The following AKNA variants were observed in gnomAD, a reference collection of about 807,000 sequenced individuals.
AKNA encodes AT-hook transcription factor.
AKNA carries 67 observed loss-of-function variants against 138.8 expected under a neutral mutation model. That is an observed-to-expected ratio of 0.48 (90% CI 0.40 to 0.59). The LOEUF is 0.59. Among genes scored for constraint, AKNA ranks in the 20% least tolerant of loss-of-function variants. AKNA has a pLI of 0.00. For missense variants in AKNA, 1,813 were observed against 1,880.4 expected, an observed-to-expected ratio of 0.96 and a Z score of 0.66; for synonymous variants, 737 against 754.4, an observed-to-expected ratio of 0.98 and a Z score of 0.38.
rs765690813 is a variant in AKNA at position 114,356,945 on chromosome 9, T to C, written c.2764A>G (p.Thr922Ala). 1 of 1,582,184 alleles carries C rather than the reference T, an allele frequency of 6.3e-7. No homozygotes were observed. Among genetic ancestry groups the C allele is most frequent in the Non-Finnish European group, 8.6e-7 (1 of 1,167,098 alleles). The change falls in exon 13 of 22, where the codon ACA becomes GCA. Residue 922 changes from threonine (T) to alanine (A), a missense_variant. Thr to Ala is a moderately conservative substitution (Grantham distance 58). Coordinates refer to ENST00000374088, the MANE Select transcript of AKNA (RefSeq NM_001317950.2). ...LEETWMASPETDSGFVGSETS... is the reference protein window; with the variant it reads ...LEETWMASPEADSGFVGSETS... ...TCTGAGCCCACAAAGCCACTGTCTG[T>C]CTCTGGGGACGCCATCCAGGTCTCC...
intron 18 of AKNA, 174 bp from the exon 19 acceptor site, chr9:114,343,977 T>C: frequency 1.7e-6 from 1 of 602,290 alleles, no homozygotes; most frequent in East Asian, 2.9e-5. Context: ...AATATGTACA[T>C]ATTTAAGTAT....
Position 114,357,967 on chromosome 9 carries a change from C to T in AKNA, c.2693G>A (p.Arg898His), listed in dbSNP as rs368534976. ...TCGGTGCAAAGGCTTCTGTGGAAGG[C>T]GCTCAGAGATGCCGCTTCCCTCCAG... ...TSLEGSGISE[R>H]LPQKPLHRGG... The change falls in exon 12 of 22, where the codon CGC (arginine) becomes CAC (histidine). Residue 898 changes from arginine (R) to histidine (H), a missense_variant. Physicochemically the swap from Arg to His is conservative, Grantham distance 29 (BLOSUM62 0). Coordinates refer to ENST00000374088, the MANE Select transcript of AKNA (RefSeq NM_001317950.2). The T allele has an allele frequency of 8.5e-5, 137 of 1,602,588 alleles. No homozygotes were observed. Among genetic ancestry groups the T allele is most frequent in the Non-Finnish European group, 1.0e-4 (122 of 1,175,650 alleles).
chr9:114,354,819 T>C (rs553954498), intron 14 of AKNA, among the ~76,000 whole-genome samples: 128 of 151,738 alleles, frequency 8.4e-4, no homozygotes, highest in Non-Finnish European at 1.6e-3. Flanking sequence ...AACAGAGTCA[T>C]TAGTTATCAA....
chr9:114,345,548 C>T (rs974374787), intron 18 of AKNA: 14 of 255,818 alleles, frequency 5.5e-5, no homozygotes, highest in Non-Finnish European at 9.8e-5. Context: ...ACCCTGTATG[C>T]TCCGAGCCGG....
chr9:114,367,848 G>A (rs960156884), intron 5 of AKNA, 151 bp from the exon 6 acceptor site: 2 of 871,342 alleles, frequency 2.3e-6, no homozygotes, highest in African/African-American at 1.7e-5. Flanking sequence ...GAAGTGGGCT[G>A]GGTAGAACAT....
intron 6 of AKNA, among the ~76,000 whole-genome samples, chr9:114,366,145 G>A (rs1178486993): frequency 6.6e-6 from 1 of 152,038 alleles, no homozygotes; most frequent in Non-Finnish European, 1.5e-5. Flanking sequence ...CAGGCATGGT[G>A]GCGCGTGCCT....
chr9:114,341,746 C>T, intron 20 of AKNA, 21 bp from the exon 21 acceptor site: 2 of 1,539,718 alleles, frequency 1.3e-6, no homozygotes. Flanking sequence ...GGGAACAGCA[C>T]AGAGAGACAG....
In AKNA at chr9:114,337,273, T is replaced by C. The variant is rs756326547; in HGVS notation, c.4101A>G (p.Gln1367=). 2.6e-6 allele frequency: 4 copies of C among 1,542,760 alleles called. No individual in the cohort carries two copies. The African/African-American group carries it at 4.1e-5, about 16-fold the overall frequency. Residue 1367 remains glutamine, a synonymous_variant, in exon 22 of 22, where the codon CAA becomes CAG. Transcript: ENST00000374088. ...YYAPAGPTSA[Q]PAAKWPPTAS... ...CTGTGGGCGGCCACTTGGCAGCTGGTTGGGCTGAGGTAGGTCCTGCAGGCG... is the reference window on the plus strand; with the variant it reads ...CTGTGGGCGGCCACTTGGCAGCTGGCTGGGCTGAGGTAGGTCCTGCAGGCG...
chr9:114,375,897 G>A (rs1320091979), intron 3 of AKNA: 4 of 447,546 alleles, frequency 8.9e-6, no homozygotes, highest in African/African-American at 2.0e-5. Flanking sequence ...CAGGGCTCCA[G>A]GTACACCCTC....
chr9:114,377,424 G>A lies in AKNA; in HGVS notation c.383C>T (p.Thr128Ile). The A allele has an allele frequency of 1.2e-6, 2 of 1,613,694 alleles. No homozygotes were observed. The highest frequency in any genetic ancestry group is 1.7e-6 in the Non-Finnish European group (2 of 1,179,978). ...CTCCTCAACCTCCAGACTTCCGAGGGTCCCATCTGGCTCCTCTTCAGTCAT... is the reference window on the plus strand; with the variant it reads ...CTCCTCAACCTCCAGACTTCCGAGGATCCCATCTGGCTCCTCTTCAGTCAT... ...LDMTEEEPDGTLGSLEVEEAG... is the reference protein window; with the variant it reads ...LDMTEEEPDGILGSLEVEEAG... Residue 128 changes from threonine to isoleucine, a missense_variant, in exon 3 of 22, where the codon ACC (threonine) becomes ATC (isoleucine). Coordinates refer to ENST00000374088, the MANE Select transcript of AKNA (RefSeq NM_001317950.2).
At chr9:114,330,512 A>T, downstream of AKNA, 1 of 1,611,942 alleles carries the variant, frequency 6.2e-7, no homozygotes, top group Non-Finnish European at 8.5e-7. Flanking sequence ...GATCCAAGCA[A>T]CCTTCTTTTA....
At chr9:114,331,680 C>A (rs768014172), downstream of AKNA, 4 of 1,610,250 alleles carry the variant, frequency 2.5e-6, no homozygotes, top group African/African-American at 2.7e-5. Context: ...CTATGGTAGG[C>A]ATGCTTAGCA....
chr9:114,355,775 C>A (rs1020805277), intron 14 of AKNA, 150 bp downstream of exon 14: 1 of 849,734 alleles, frequency 1.2e-6, no homozygotes, highest in Non-Finnish European at 1.8e-6. Context: ...ATTTTTTTTT[C>A]TTTTGTTCCC....
chr9:114,357,810 A>G, intron 12 of AKNA, 111 bp downstream of exon 12: 1 of 1,514,628 alleles, frequency 6.6e-7, no homozygotes, highest in East Asian at 2.4e-5. Context: ...GGACAGGAGC[A>G]GCAAGTATTC....
chr9:114,341,832 C>T, intron 20 of AKNA, 107 bp from the exon 21 acceptor site: 1 of 1,377,980 alleles, frequency 7.3e-7, no homozygotes, highest in Non-Finnish European at 1.0e-6. Flanking sequence ...TGGACAGGCC[C>T]TACCCTGTGA....
rs539635881 is a variant in AKNA at position 114,343,611 on chromosome 9, T to A, written c.3757+97A>T. 1.5e-5 allele frequency: 19 copies of A among 1,309,540 alleles called. 1 individual carries two copies. The South Asian group carries it at 2.3e-4, about 16-fold the overall frequency. The allele number at this position is 1,309,540 out of a possible 1,614,324, so 81.1% of individuals were successfully genotyped here. A position where few individuals can be genotyped will look rare whatever the true frequency, so the allele number is the denominator to read the frequency against. On this transcript the variant is annotated intron_variant, in intron 19 of 21. Coordinates refer to ENST00000374088, the MANE Select transcript of AKNA (RefSeq NM_001317950.2). ...CTGTCCCTATAACCCACTGCTAAGT[T>A]CAGGGCAGGCCAGATCTTGTCAAGT...
At chr9:114,354,729 AAT>A (rs1831367977) in intron 14 of AKNA, among the ~76,000 whole-genome samples, 1 of 151,752 alleles carries the variant, frequency 6.6e-6, no homozygotes, top group Non-Finnish European at 1.5e-5. Flanking sequence ...AAAAAAAAAA[AAT>A]AGTTAACATT....
At chr9:114,364,754 C>G (rs2787351) in intron 6 of AKNA, 135 bp from the exon 7 acceptor site, 690,061 of 858,816 alleles carry the variant, frequency 0.8, 280,253 homozygotes, top group East Asian at 0.97. Flanking sequence ...AGCATGGAGA[C>G]GTGGGTGCTG....
rs1438450203 is a variant in AKNA at position 114,381,053 on chromosome 9, G to A, written c.274+7C>T. 1.3e-6 allele frequency: 2 copies of A among 1,541,428 alleles called. No homozygotes were observed. The highest frequency in any genetic ancestry group is 1.3e-5 in the South Asian group (1 of 79,838). ...CACCACTGTAGGGGGAGGGGTGTCAGTCTCACCTTCTCCCGAAGTCTCTCC... is the reference window on the plus strand; with the variant it reads ...CACCACTGTAGGGGGAGGGGTGTCAATCTCACCTTCTCCCGAAGTCTCTCC... On this transcript the variant is annotated splice_region_variant and intron_variant, in intron 2 of 21. Coordinates refer to ENST00000374088, the MANE Select transcript of AKNA (RefSeq NM_001317950.2).
Sources: gnomAD v4.1 joint callset for allele counts (sites outside exome capture counted in the v4.1 genomes callset) on GRCh38, gnomAD v4.1.1 for gene constraint, MANE v1.5 for transcripts, NCBI Gene and HGNC (gene_info 2026-07-23, HGNC 2026-07-21) for gene names.